CDC5L: variants seen among roughly 807,000 people sequenced by gnomAD.
The protein encoded by CDC5L is cell division cycle 5-like protein.
In CDC5L, 18 loss-of-function variants were observed where a neutral mutation model predicts 104.1. The ratio of observed to expected loss-of-function variants is 0.17; its 90% CI spans 0.12 to 0.26. The LOEUF (loss-of-function observed/expected upper bound fraction) is 0.26. CDC5L is among the 10% of genes least tolerant of loss of function. The pLI is 1.00. For missense variants in CDC5L, 673 were observed against 956.9 expected (o/e 0.70, Z 3.91); for synonymous variants, 331 against 322.7 (o/e 1.03, Z -0.28).
intron 8 of CDC5L, among the ~76,000 whole-genome samples, chr6:44,413,741 G>A (rs1048355027): frequency 1.3e-5 from 2 of 151,954 alleles, no homozygotes; most frequent in South Asian, 2.1e-4. Flanking sequence ...GCACTACCAG[G>A]CCCAATTAAT....
At chr6:44,411,543 G>A (rs1356873801) in intron 8 of CDC5L, among the ~76,000 whole-genome samples, 1 of 151,410 alleles carries the variant, frequency 6.6e-6, no homozygotes, top group Non-Finnish European at 1.5e-5. Flanking sequence ...CTCTGGTTTA[G>A]AAATCTTTTT....
At chr6:44,394,711 G>T (rs893099464) in intron 4 of CDC5L, among the ~76,000 whole-genome samples, 2 of 59,574 alleles carry the variant, frequency 3.4e-5, no homozygotes, top group African/African-American at 8.5e-5. Context: ...ACAAAAATTA[G>T]CCAGGTGTGG....
intron 8 of CDC5L, among the ~76,000 whole-genome samples, chr6:44,415,676 C>G (rs1791876976): frequency 6.6e-6 from 1 of 152,142 alleles, no homozygotes; most frequent in African/African-American, 2.4e-5. Context: ...AAGAACACAT[C>G]TCTTGCACAC....
At chr6:44,424,744 C>T (rs1416376957) in intron 11 of CDC5L, among the ~76,000 whole-genome samples, 161 bp downstream of exon 11, 1 of 152,124 alleles carries the variant, frequency 6.6e-6, no homozygotes, top group East Asian at 1.9e-4. Context: ...AATGTATCCT[C>T]ACATAATTAA....
At chr6:44,422,026 CA>C (rs1792206927) in intron 9 of CDC5L, among the ~76,000 whole-genome samples, 1 of 151,670 alleles carries the variant, frequency 6.6e-6, no homozygotes, top group Admixed American at 6.6e-5. Flanking sequence ...AATAGGCAAC[CA>C]GGAAAAAAAA....
At chr6:44,391,025 CAT>C (rs1242903867) in intron 2 of CDC5L, among the ~76,000 whole-genome samples, 4 of 47,420 alleles carry the variant, frequency 8.4e-5, no homozygotes, top group Admixed American at 4.4e-4. Flanking sequence ...ATATATTAAA[CAT>C]ATTTAATATG....
chr6:44,406,152 T>C lies in CDC5L; in HGVS notation c.759-171T>C, dbSNP rs1791355751. Among the ~76,000 whole-genome samples, 4 of 152,208 alleles carry C rather than the reference T, an allele frequency of 2.6e-5. No homozygotes were observed. In the South Asian group the frequency reaches 8.3e-4, roughly 32 times the overall value. On this transcript the variant is annotated intron_variant, in intron 6 of 15. Coordinates refer to ENST00000371477, the MANE Select transcript of CDC5L (RefSeq NM_001253.4). The stretch of plus-strand genomic sequence containing the variant: ...CCTGACCTCAGGTAATCCACCCACC[T>C]TGGCCTCCCAAAGTGCTGGGATTAC...
At chr6:44,399,819 A>G (rs1581644393) in intron 5 of CDC5L, among the ~76,000 whole-genome samples, 1 of 151,910 alleles carries the variant, frequency 6.6e-6, no homozygotes. Flanking sequence ...ACACCCGGCT[A>G]ATTTTTTGTA....
intron 4 of CDC5L, among the ~76,000 whole-genome samples, chr6:44,394,885 A>G: frequency 3.6e-5 from 1 of 27,488 alleles, no homozygotes; most frequent in Admixed American, 5.3e-4. Flanking sequence ...AAAAAAAAAA[A>G]TGGTATACAC....
At chr6:44,427,916 G>A (rs764856979) in intron 13 of CDC5L, among the ~76,000 whole-genome samples, 22 of 152,194 alleles carry the variant, frequency 1.4e-4, no homozygotes, top group Non-Finnish European at 2.4e-4. Flanking sequence ...TCTGTAGAGG[G>A]TAAACCCTAA....
chr6:44,436,962 A>AT, intron 14 of CDC5L, among the ~76,000 whole-genome samples: 2 of 152,286 alleles, frequency 1.3e-5, no homozygotes, highest in South Asian at 2.1e-4. Flanking sequence ...ACTATTAGAA[A>AT]TTTTTTGTCA....
At chr6:44,397,123 G>A (rs1342497741) in intron 5 of CDC5L, among the ~76,000 whole-genome samples, 2 of 152,214 alleles carry the variant, frequency 1.3e-5, no homozygotes, top group Non-Finnish European at 2.9e-5. Flanking sequence ...GAGGTTGGGG[G>A]TTGTGGCTGA....
chr6:44,403,778 G>T (rs753421068), intron 5 of CDC5L, 31 bp from the exon 6 acceptor site: 4 of 1,483,088 alleles, frequency 2.7e-6, no homozygotes, highest in South Asian at 1.2e-5. Context: ...CATGGCATAT[G>T]ATTTTCAAAG....
At chr6:44,388,704 C>A (rs1256765601) in intron 1 of CDC5L, among the ~76,000 whole-genome samples, 1 of 138,594 alleles carries the variant, frequency 7.2e-6, no homozygotes, top group East Asian at 2.1e-4. Flanking sequence ...CATCTTTTGC[C>A]TTCCTAGCGC....
At chr6:44,408,346 CCCT>C (rs1791471230) in intron 7 of CDC5L, 95 bp from the exon 8 acceptor site, 4 of 855,944 alleles carry the variant, frequency 4.7e-6, no homozygotes, top group Non-Finnish European at 7.1e-6. Context: ...AAACAGTTTG[CCCT>C]CCTCGGCCTC....
chr6:44,424,393 TG>T, intron 10 of CDC5L, 25 bp from the exon 11 acceptor site: 4 of 1,600,302 alleles, frequency 2.5e-6, no homozygotes, highest in Non-Finnish European at 3.4e-6. Flanking sequence ...ATGCATGAAT[TG>T]AGAAGGACCA....
chr6:44,397,764 A>G (rs145416788), intron 5 of CDC5L, among the ~76,000 whole-genome samples: 75 of 152,372 alleles, frequency 4.9e-4, no homozygotes, highest in African/African-American at 1.8e-3. Flanking sequence ...TTAGGCCCTC[A>G]TAGAAATCTT....
chr6:44,428,276 A>AT (rs1358518886), intron 13 of CDC5L, among the ~76,000 whole-genome samples: 1 of 151,830 alleles, frequency 6.6e-6, no homozygotes, highest in Admixed American at 6.6e-5. Context: ...TTAAGTGTCC[A>AT]TTTTTTCTTC....
At chr6:44,435,192 G>A (rs537724200) in intron 14 of CDC5L, among the ~76,000 whole-genome samples, 4 of 145,724 alleles carry the variant, frequency 2.7e-5, no homozygotes, top group African/African-American at 1.0e-4. Context: ...TTTAATAGTT[G>A]TAAATATGAT....
Sources: allele counts gnomAD v4.1 joint callset (sites outside exome capture counted in the v4.1 genomes callset), GRCh38; gene constraint gnomAD v4.1.1; transcripts MANE v1.5; gene names NCBI Gene and HGNC (gene_info 2026-07-23, HGNC 2026-07-21).